The following DLGAP2 variants were observed in gnomAD, a reference collection of about 807,000 sequenced individuals.
DLGAP2 encodes DLG associated protein 2.
DLGAP2 carries 26 observed loss-of-function variants against 100.3 expected under a neutral mutation model. The ratio of observed to expected loss-of-function variants is 0.26; its 90% CI spans 0.19 to 0.36. The LOEUF (loss-of-function observed/expected upper bound fraction) is 0.36, where lower values mean the gene tolerates loss of function less well. Ranked by LOEUF, DLGAP2 falls within the 10% of genes least tolerant of loss-of-function variation. DLGAP2 has a pLI of 1.00. For missense variants in DLGAP2, 1,858 were observed against 1,453.2 expected (o/e 1.28, Z -4.53); for synonymous variants, 886 against 630.1 (o/e 1.41, Z -6.08).
At chr8:1,557,750 C>G (rs1402508900) in intron 5 of DLGAP2, among the ~76,000 whole-genome samples, 5 of 152,230 alleles carry the variant, frequency 3.3e-5, no homozygotes, top group Non-Finnish European at 5.9e-5. Flanking sequence ...TCCCCATGTC[C>G]TCATAGGGTT....
chr8:1,277,518 T>A (rs927774560), intron 3 of DLGAP2, among the ~76,000 whole-genome samples: 1 of 151,886 alleles, frequency 6.6e-6, no homozygotes, highest in African/African-American at 2.4e-5. Flanking sequence ...GAAAAAAAAA[T>A]GATTATGAAA....
chr8:1,223,573 C>G (rs938527088), intron 2 of DLGAP2, among the ~76,000 whole-genome samples: 5 of 152,232 alleles, frequency 3.3e-5, no homozygotes, highest in African/African-American at 1.2e-4. Context: ...TTGATCTTCA[C>G]TTTCTCTTTT....
At chr8:1,039,039 CTT>C (rs2129029676) in intron 2 of DLGAP2, among the ~76,000 whole-genome samples, 1 of 152,336 alleles carries the variant, frequency 6.6e-6, no homozygotes, top group South Asian at 2.1e-4. Flanking sequence ...TTTTCGGAAA[CTT>C]AGTTTTCAGC....
intron 2 of DLGAP2, among the ~76,000 whole-genome samples, chr8:1,205,357 G>T (rs1797968136): frequency 6.6e-6 from 1 of 152,016 alleles, no homozygotes; most frequent in African/African-American, 2.4e-5. Context: ...TTTGAGAAAA[G>T]GAAGGGTCCA....
chr8:1,227,875 T>C (rs1426081473), intron 2 of DLGAP2, among the ~76,000 whole-genome samples: 2 of 152,160 alleles, frequency 1.3e-5, no homozygotes, highest in Non-Finnish European at 2.9e-5. Flanking sequence ...TTGGAATTAT[T>C]TATTGCTAAA....
chr8:1,061,416 G>T (rs2129035173), intron 2 of DLGAP2, among the ~76,000 whole-genome samples: 2 of 152,226 alleles, frequency 1.3e-5, no homozygotes, highest in East Asian at 3.9e-4. Flanking sequence ...TCATCCACGT[G>T]TTCGTTGAGG....
chr8:1,480,527 A>G (rs902827467), intron 3 of DLGAP2, among the ~76,000 whole-genome samples: 2 of 152,164 alleles, frequency 1.3e-5, no homozygotes, highest in African/African-American at 4.8e-5. Context: ...CTCATCAGTG[A>G]TTTGCCAAAT....
intron 3 of DLGAP2, among the ~76,000 whole-genome samples, chr8:1,343,122 C>T (rs118149752): frequency 4.6e-5 from 7 of 152,308 alleles, no homozygotes; most frequent in South Asian, 2.1e-4. Context: ...ATTCACCAAG[C>T]GTGCAGAAGT....
intron 2 of DLGAP2, among the ~76,000 whole-genome samples, chr8:948,564 G>A (rs1205168436): frequency 2.6e-5 from 4 of 152,240 alleles, no homozygotes; most frequent in Non-Finnish European, 5.9e-5. Context: ...GGGCCTGAGT[G>A]CAGAGGAAGG....
At chr8:1,355,070 G>A (rs565858813) in intron 3 of DLGAP2, among the ~76,000 whole-genome samples, 1 of 152,264 alleles carries the variant, frequency 6.6e-6, no homozygotes, top group South Asian at 2.1e-4. Flanking sequence ...TGTGGATGAG[G>A]GTGGAAAGTC....
chr8:964,222 T>C (rs1306358147), intron 2 of DLGAP2, among the ~76,000 whole-genome samples: 1 of 152,214 alleles, frequency 6.6e-6, no homozygotes, highest in African/African-American at 2.4e-5. Context: ...TTCACCTTAA[T>C]TTGAAGCATG....
At chr8:1,389,942 G>A (rs1006463555) in intron 3 of DLGAP2, among the ~76,000 whole-genome samples, 1 of 152,016 alleles carries the variant, frequency 6.6e-6, no homozygotes, top group African/African-American at 2.4e-5. Context: ...ACCCAGCTCC[G>A]GCACAGACAG....
chr8:1,470,775 A>ACCCCCCCAGGCTTTCC (rs1563168449), intron 3 of DLGAP2, among the ~76,000 whole-genome samples: 5 of 76,038 alleles, frequency 6.6e-5, no homozygotes, highest in Non-Finnish European at 1.6e-4. Flanking sequence ...GCCTTTCCCG[A>ACCCCCCCAGGCTTTCC]CTCCCCCAGC....
intron 2 of DLGAP2, among the ~76,000 whole-genome samples, chr8:1,085,889 C>T (rs950477092): frequency 4.6e-5 from 7 of 152,152 alleles, no homozygotes; most frequent in African/African-American, 1.7e-4. Flanking sequence ...TTATTTCAAT[C>T]CATGAACACA....
chr8:1,643,994 T>C (rs369812544), intron 8 of DLGAP2, among the ~76,000 whole-genome samples: 14 of 29,224 alleles, frequency 4.8e-4, no homozygotes, highest in South Asian at 1.4e-3. Flanking sequence ...ACCCCGCCGG[T>C]CCTCACCTGT....
chr8:1,253,765 A>G (rs939983298), intron 2 of DLGAP2, among the ~76,000 whole-genome samples: 1 of 152,200 alleles, frequency 6.6e-6, no homozygotes, highest in African/African-American at 2.4e-5. Flanking sequence ...ACTCTGCACT[A>G]ATGATGATGA....
intron 6 of DLGAP2, among the ~76,000 whole-genome samples, chr8:1,569,890 G>A (rs55828839): frequency 0.011 from 1,598 of 150,924 alleles, 28 homozygotes; most frequent in African/African-American, 0.037. Context: ...TGGAGGGCAG[G>A]TAGATCTTCA....
At chr8:1,504,560 C>A (rs928739802) in intron 4 of DLGAP2, among the ~76,000 whole-genome samples, 1 of 152,190 alleles carries the variant, frequency 6.6e-6, no homozygotes, top group Non-Finnish European at 1.5e-5. Context: ...TCCCCCCAAC[C>A]CTCTCTCTGT....
intron 2 of DLGAP2, among the ~76,000 whole-genome samples, chr8:922,230 C>T (rs1429112370): frequency 1.3e-5 from 2 of 152,312 alleles, no homozygotes; most frequent in Middle Eastern, 3.4e-3. Flanking sequence ...TGGAAGCCTT[C>T]TCTCTTCTCT....
Sources: allele counts gnomAD v4.1 joint callset (sites outside exome capture counted in the v4.1 genomes callset), GRCh38; gene constraint gnomAD v4.1.1; transcripts MANE v1.5; gene names NCBI Gene and HGNC (gene_info 2026-07-23, HGNC 2026-07-21).